SLC9A6: variants seen among roughly 807,000 people sequenced by gnomAD.
SLC9A6 encodes solute carrier family 9 member A6.
Under a neutral mutation model 45.3 loss-of-function variants are expected in SLC9A6, and 6 were observed. The observed-to-expected ratio is 0.13, with a 90% confidence interval of 0.07 to 0.26. SLC9A6 has a LOEUF of 0.26. Ranked by LOEUF, SLC9A6 falls within the 10% of genes least tolerant of loss-of-function variation. SLC9A6 has a pLI of 1.00. For missense variants in SLC9A6, 278 were observed against 503.7 expected (o/e 0.55, Z 4.29); for synonymous variants, 191 against 187.7 (o/e 1.02, Z -0.14).
intron 3 of SLC9A6, among the ~76,000 whole-genome samples, chrX:135,995,306 T>C (rs1405111368): frequency 2.7e-5 from 3 of 111,420 alleles, no homozygotes; most frequent in South Asian, 3.8e-4. Flanking sequence ...CCTTATAGTT[T>C]TCTTTTTCTT....
intron 2 of SLC9A6, among the ~76,000 whole-genome samples, chrX:135,987,507 G>T (rs1456573115): frequency 9.0e-6 from 1 of 110,931 alleles, no homozygotes; most frequent in African/African-American, 3.3e-5. Flanking sequence ...TATAGAGAGA[G>T]ATAGTATGAT....
At chrX:136,029,792 C>T in intron 14 of SLC9A6, 1 of 275,825 alleles carries the variant, frequency 3.6e-6, no homozygotes, top group Non-Finnish European at 6.5e-6. Context: ...TGGAGCTAGC[C>T]AGTAATTCTT....
chrX:136,002,316 G>A (rs2089594658), intron 7 of SLC9A6, 103 bp downstream of exon 7: 1 of 594,037 alleles, frequency 1.7e-6, no homozygotes. Context: ...GAAACATTTG[G>A]AAGAATGAGG....
intron 8 of SLC9A6, among the ~76,000 whole-genome samples, chrX:136,011,851 G>A (rs1466327698): frequency 9.0e-6 from 1 of 111,206 alleles, no homozygotes; most frequent in Non-Finnish European, 1.9e-5. Flanking sequence ...AGCACTTTGG[G>A]AGGCCATGGC....
intron 7 of SLC9A6, among the ~76,000 whole-genome samples, chrX:136,005,077 A>G (rs782301271): frequency 8.9e-6 from 1 of 111,849 alleles, no homozygotes; most frequent in Non-Finnish European, 1.9e-5. Context: ...TTGTCTTATC[A>G]TTGCCCTAAT....
At chrX:136,013,951 C>G (rs2070970737) in intron 10 of SLC9A6, among the ~76,000 whole-genome samples, 1 of 112,314 alleles carries the variant, frequency 8.9e-6, no homozygotes, top group Non-Finnish European at 1.9e-5. Flanking sequence ...TCAGGTGCTG[C>G]AAAGCTACTA....
At chrX:136,024,561 T>G in intron 13 of SLC9A6, 78 bp downstream of exon 13, 1 of 950,804 alleles carries the variant, frequency 1.1e-6, no homozygotes, top group East Asian at 3.1e-5. Context: ...CAATTTTTAA[T>G]CTTTGGAGAA....
At position 135,985,531 on chromosome X, in the gene SLC9A6, C is replaced by T. The variant is rs1181161585; in HGVS notation, c.-57+54C>T. On this transcript the variant is annotated intron_variant, in intron 1 of 17. Coordinates refer to ENST00000630721, the MANE Select transcript of SLC9A6 (RefSeq NM_001379110.1). The stretch of plus-strand genomic sequence containing the variant: ...GCTCGGCGCGGCTGGCGGCGGGCAC[C>T]CCTCCGCCGTGGCGTCGGCAGCAGT... 5.2e-6 allele frequency: 6 copies of T among 1,148,987 alleles called. No individual in the cohort carries two copies. Among genetic ancestry groups the T allele is most frequent in the Non-Finnish European group, 6.9e-6 (6 of 865,994 alleles). The allele number at this position is 1,148,987 out of a possible 1,213,427, so 94.7% of individuals were successfully genotyped here. A position where few individuals can be genotyped will look rare whatever the true frequency, so the allele number is the denominator to read the frequency against.
Position 136,022,668 on chromosome X carries a change from C to A in SLC9A6, c.1277C>A (p.Ser426Ter). Residue 426 changes from serine to a stop codon, truncating the protein, a stop_gained, in exon 12 of 18, where the codon TCA becomes TAA. Coordinates refer to ENST00000630721, the MANE Select transcript of SLC9A6 (RefSeq NM_001379110.1). LOFTEE classifies it high-confidence loss of function. The stretch of plus-strand genomic sequence containing the variant: ...TTGGGTAGAAGAAGTAAGATTGGAT[C>A]AAATTTTCAACACATGATGATGTTT... ...LNLGRRSKIGSNFQHMMMFAG... is the reference protein window; with the variant it reads ...LNLGRRSKIG The A allele has an allele frequency of 1.7e-6, 2 of 1,187,006 alleles. No homozygotes were observed. The highest frequency in any genetic ancestry group is 3.5e-5 in the South Asian group (2 of 56,358).
At chrX:135,987,194 A>T (rs1476424115) in intron 2 of SLC9A6, among the ~76,000 whole-genome samples, 1 of 111,976 alleles carries the variant, frequency 8.9e-6, no homozygotes, top group Non-Finnish European at 1.9e-5. Flanking sequence ...GACATATTAG[A>T]TGGTTTTTAT....
At chrX:136,001,003 A>G (rs1339997704) in intron 6 of SLC9A6, among the ~76,000 whole-genome samples, 3 of 110,403 alleles carry the variant, frequency 2.7e-5, no homozygotes, top group African/African-American at 6.6e-5. Context: ...AATTAAATAA[A>G]TAAAATGCAA....
At chrX:136,024,257 TTCTTGC>T (rs1164478825) in intron 12 of SLC9A6, 67 bp from the exon 13 acceptor site, 2 of 1,099,468 alleles carry the variant, frequency 1.8e-6, no homozygotes, top group East Asian at 6.0e-5. Context: ...AGAACGTGCT[TTCTTGC>T]TCTGAATTTA....
At chrX:136,006,664 A>G (rs1240917779) in intron 7 of SLC9A6, among the ~76,000 whole-genome samples, 1 of 110,852 alleles carries the variant, frequency 9.0e-6, no homozygotes. Context: ...TATACGTTGC[A>G]TAGTATTCCA....
At chrX:135,992,366 G>A (rs1472334085) in intron 2 of SLC9A6, among the ~76,000 whole-genome samples, 1 of 112,068 alleles carries the variant, frequency 8.9e-6, no homozygotes, top group Admixed American at 9.5e-5. Flanking sequence ...CCTGTATCTA[G>A]CCTTTTAGAC....
chrX:135,985,458 C>T lies in SLC9A6; in HGVS notation c.-76C>T. The T allele has an allele frequency of 2.0e-6, 2 of 985,728 alleles. No homozygotes were observed. The highest frequency in any genetic ancestry group is 2.6e-6 in the Non-Finnish European group (2 of 767,398). The allele number at this position is 985,728 out of a possible 1,213,427, so 81.2% of individuals were successfully genotyped here. ...GTGAGCCCTCGGGGAGTGGTCCGAC[C>T]GCGGGCGGCCGCCGGTGAGGTAGGG... On this transcript the variant is annotated 5_prime_UTR_variant, in exon 1 of 18. Transcript: ENST00000630721.
At chrX:136,017,186 T>C (rs945385268) in intron 11 of SLC9A6, among the ~76,000 whole-genome samples, 2 of 110,641 alleles carry the variant, frequency 1.8e-5, no homozygotes, top group African/African-American at 6.6e-5. Flanking sequence ...TTCTCTCATA[T>C]ATATACAAAG....
intron 13 of SLC9A6, among the ~76,000 whole-genome samples, chrX:136,026,283 G>C (rs1369523620): frequency 1.8e-5 from 2 of 111,561 alleles, no homozygotes; most frequent in Admixed American, 1.9e-4. Flanking sequence ...ACTTAGACTT[G>C]GCTTTGAGTT....
intron 3 of SLC9A6, among the ~76,000 whole-genome samples, chrX:135,996,593 G>A (rs1401408164): frequency 9.0e-6 from 1 of 111,538 alleles, no homozygotes; most frequent in Non-Finnish European, 1.9e-5. Flanking sequence ...GTAGAAATCT[G>A]AGCTGTACAG....
chrX:136,020,181 C>T lies in SLC9A6; in HGVS notation c.1195-2405C>T, dbSNP rs781988249. ...AGTTACACATTCCCCCCCCTTCCCC[C>T]GCCATGTTGTACTGCGTGGAAGGAA... On this transcript the variant is annotated intron_variant, in intron 11 of 17. Coordinates refer to ENST00000630721, the MANE Select transcript of SLC9A6 (RefSeq NM_001379110.1). Among the ~76,000 whole-genome samples the T allele has an allele frequency of 9.2e-4, 102 of 111,288 alleles. 1 individual carries two copies. The highest frequency in any genetic ancestry group is 5.4e-3 in the South Asian group (14 of 2,586).
Sources: allele counts gnomAD v4.1 joint callset (sites outside exome capture counted in the v4.1 genomes callset), GRCh38; gene constraint gnomAD v4.1.1; transcripts MANE v1.5; gene names NCBI Gene and HGNC (gene_info 2026-07-23, HGNC 2026-07-21).